SDHAF4: variants seen among roughly 807,000 people sequenced by gnomAD.
The protein encoded by SDHAF4 is succinate dehydrogenase complex assembly factor 4.
In SDHAF4, 14 loss-of-function variants were observed where a neutral mutation model predicts 14.3. The observed-to-expected ratio is 0.98, with a 90% CI of 0.65 to 1.53. SDHAF4 has a LOEUF of 1.53. Among genes scored for constraint, SDHAF4 ranks in the 40% most tolerant of loss-of-function variants. The pLI is 0.00. For synonymous variants in SDHAF4, 63 were observed against 47.3 expected (o/e 1.33, Z -1.36); for missense variants, 141 against 129.3 (o/e 1.09, Z -0.44).
the SDHAF4 span, among the ~76,000 whole-genome samples, chr6:70,595,653 A>T: frequency 2.0e-5 from 3 of 152,132 alleles, no homozygotes; most frequent in African/African-American, 7.2e-5. Context: ...AGGCTGAGGC[A>T]GGTGGATCAC....
At chr6:70,592,569 C>G (rs998378749), downstream of SDHAF4, among the ~76,000 whole-genome samples, 1 of 152,136 alleles carries the variant, frequency 6.6e-6, no homozygotes. Flanking sequence ...TATAGCAACA[C>G]CCTACTCCCA....
intron 1 of SDHAF4, among the ~76,000 whole-genome samples, chr6:70,568,266 T>C (rs1328873720): frequency 2.6e-5 from 4 of 152,250 alleles, no homozygotes; most frequent in South Asian, 2.1e-4. Context: ...TAAACAATTA[T>C]GAATTATTCC....
intron 1 of SDHAF4, among the ~76,000 whole-genome samples, chr6:70,571,319 A>AAATATAATGTTGT (rs1182984747): frequency 6.6e-6 from 1 of 152,148 alleles, no homozygotes; most frequent in Non-Finnish European, 1.5e-5. Flanking sequence ...TTATATTTTT[A>AAATATAATGTTGT]AATATAATGT....
intron 1 of SDHAF4, among the ~76,000 whole-genome samples, chr6:70,576,538 A>G (rs545848056): frequency 5.9e-4 from 90 of 152,236 alleles, no homozygotes; most frequent in Non-Finnish European, 7.3e-4. Context: ...CACTTGCTCA[A>G]TGTGTACACA....
chr6:70,569,985 G>A (rs1802159194), intron 1 of SDHAF4, among the ~76,000 whole-genome samples: 1 of 152,044 alleles, frequency 6.6e-6, no homozygotes, highest in Non-Finnish European at 1.5e-5. Flanking sequence ...CCAGGTTCAT[G>A]TATTTATAGG....
rs746539021 is a variant in SDHAF4 at position 70,566,951 on chromosome 6, C to T, written c.11C>T (p.Ser4Leu). Residue 4 changes from serine to leucine, a missense_variant, in exon 1 of 3, where the codon TCG (serine) becomes TTG (leucine). Physicochemically the swap from Ser to Leu is moderately radical, Grantham distance 145 (BLOSUM62 -2). Coordinates refer to ENST00000370474, the MANE Select transcript of SDHAF4 (RefSeq NM_145267.3). MTP[S>L]RLPWLLSWVS... Reference sequence around the variant, plus strand: ...CGGGGAGTCGGCGCCATGACCCCATCGAGGCTTCCCTGGTTGCTTAGCTGG... The same window carrying T: ...CGGGGAGTCGGCGCCATGACCCCATTGAGGCTTCCCTGGTTGCTTAGCTGG... 6 of 1,587,854 alleles carry T rather than the reference C, an allele frequency of 3.8e-6. No individual in the cohort carries two copies. The highest frequency in any genetic ancestry group is 3.6e-5 in the Admixed American group (2 of 56,154).
In SDHAF4 at chr6:70,566,939, C is replaced by T. The variant is rs549186378; in HGVS notation, c.-2C>T. 14 of 1,580,588 alleles carry T rather than the reference C, an allele frequency of 8.9e-6. No individual in the cohort carries two copies. Among genetic ancestry groups the T allele is most frequent in the Non-Finnish European group, 1.1e-5 (13 of 1,163,318 alleles). ...TGCGCGGAGGCTCGGGGAGTCGGCG[C>T]CATGACCCCATCGAGGCTTCCCTGG... On this transcript the variant is annotated 5_prime_UTR_variant, in exon 1 of 3. Coordinates refer to ENST00000370474, the MANE Select transcript of SDHAF4 (RefSeq NM_145267.3).
chr6:70,593,759 C>T (rs6925839), downstream of SDHAF4, among the ~76,000 whole-genome samples: 60,959 of 151,712 alleles, frequency 0.4, 12,890 homozygotes, highest in African/African-American at 0.52. Flanking sequence ...GTGGCATGAT[C>T]CTGGCTCACT....
At chr6:70,587,021 A>T (rs1274565127) in intron 2 of SDHAF4, among the ~76,000 whole-genome samples, 1 of 151,442 alleles carries the variant, frequency 6.6e-6, no homozygotes, top group African/African-American at 2.4e-5. Flanking sequence ...AATACAAAAA[A>T]TTAGCTGGGC....
At chr6:70,584,016 GTT>G (rs1215003636) in intron 2 of SDHAF4, among the ~76,000 whole-genome samples, 29 of 94,666 alleles carry the variant, frequency 3.1e-4, no homozygotes, top group African/African-American at 1.5e-3. Flanking sequence ...GAGTGAGGTT[GTT>G]GTTGTTGTTG....
the SDHAF4 span, among the ~76,000 whole-genome samples, chr6:70,597,415 C>T: frequency 6.6e-6 from 1 of 150,610 alleles, no homozygotes; most frequent in Non-Finnish European, 1.5e-5. Context: ...TCCCAAAATG[C>T]TGGGATTACA....
At position 70,579,581 on chromosome 6, in the gene SDHAF4, G is replaced by T. The variant is rs1802296038; in HGVS notation, c.217+15G>T. ...ACCACTGGAAAGTAAGTATAATAAA[G>T]CACCTCTCAGTTTTTGAAGTATCAA... On this transcript the variant is annotated intron_variant, in intron 2 of 2. Coordinates refer to ENST00000370474, the MANE Select transcript of SDHAF4 (RefSeq NM_145267.3). 1.3e-6 allele frequency: 2 copies of T among 1,558,086 alleles called. No individual in the cohort carries two copies. Among genetic ancestry groups the T allele is most frequent in the Non-Finnish European group, 1.7e-6 (2 of 1,152,690 alleles).
At chr6:70,569,165 C>T (rs373723476) in intron 1 of SDHAF4, among the ~76,000 whole-genome samples, 29 of 151,466 alleles carry the variant, frequency 1.9e-4, no homozygotes, top group African/African-American at 6.5e-4. Flanking sequence ...GGGGTTTCAC[C>T]GTGTTAGCCA....
At chr6:70,590,201 G>C (rs1239403033), downstream of SDHAF4, among the ~76,000 whole-genome samples, 2 of 151,744 alleles carry the variant, frequency 1.3e-5, no homozygotes, top group African/African-American at 4.8e-5. Context: ...TTGTGCCACT[G>C]CACTCCAGCC....
At chr6:70,571,521 G>T (rs947721507) in intron 1 of SDHAF4, among the ~76,000 whole-genome samples, 2 of 152,126 alleles carry the variant, frequency 1.3e-5, no homozygotes, top group Non-Finnish European at 1.5e-5. Context: ...CACCATATTG[G>T]CCAGGCTGAT....
chr6:70,577,106 C>CG (rs1802265556), intron 1 of SDHAF4, among the ~76,000 whole-genome samples: 1 of 152,146 alleles, frequency 6.6e-6, no homozygotes, highest in Non-Finnish European at 1.5e-5. Flanking sequence ...CCAGCAACAT[C>CG]GGGTCTGGTC....
At position 70,567,009 on chromosome 6, in the gene SDHAF4, G is replaced by C; in HGVS notation, c.64+5G>C. 2 of 1,583,782 alleles carry C rather than the reference G, an allele frequency of 1.3e-6. No homozygotes were observed. The highest frequency in any genetic ancestry group is 1.7e-6 in the Non-Finnish European group (2 of 1,165,016). On this transcript the variant is annotated splice_donor_5th_base_variant and intron_variant, in intron 1 of 2. Coordinates refer to ENST00000370474, the MANE Select transcript of SDHAF4 (RefSeq NM_145267.3). ...CCACGGCGTGGAGAGCGGCAAGTAAGCACCTGGCCTCGGGGCCACGGTCGC... is the reference window on the plus strand; with the variant it reads ...CCACGGCGTGGAGAGCGGCAAGTAACCACCTGGCCTCGGGGCCACGGTCGC...
At chr6:70,574,633 T>TA (rs1021952049) in intron 1 of SDHAF4, among the ~76,000 whole-genome samples, 6 of 152,034 alleles carry the variant, frequency 3.9e-5, no homozygotes, top group Admixed American at 3.9e-4. Flanking sequence ...AGGTGGTTTT[T>TA]ATCTATGTTT....
chr6:70,572,095 G>A (rs550217263), intron 1 of SDHAF4, among the ~76,000 whole-genome samples: 360 of 81,362 alleles, frequency 4.4e-3, no homozygotes, highest in Middle Eastern at 0.031. Context: ...TTGAGACAAA[G>A]TCTTGCTCTG....
Sources: allele counts gnomAD v4.1 joint callset (sites outside exome capture counted in the v4.1 genomes callset), GRCh38; gene constraint gnomAD v4.1.1; transcripts MANE v1.5; gene names NCBI Gene and HGNC (gene_info 2026-07-23, HGNC 2026-07-21).